DVL1: variants seen among roughly 807,000 people sequenced by gnomAD.
DVL1 encodes dishevelled segment polarity protein 1, also known as segment polarity protein dishevelled homolog DVL-1.
In DVL1, 49 loss-of-function variants were observed where a neutral mutation model predicts 65.0. The ratio of observed to expected loss-of-function variants is 0.75; its 90% CI spans 0.60 to 0.96. DVL1 has a LOEUF of 0.96. DVL1 is among the 40% of genes least tolerant of loss of function. The pLI is 0.00. For missense variants in DVL1, 1,197 were observed against 1,045.4 expected (o/e 1.15, Z -2.00); for synonymous variants, 608 against 433.9 (o/e 1.40, Z -4.99).
At chr1:1,337,156 G>A (rs1050297940) in intron 14 of DVL1, 15 of 962,460 alleles carry the variant, frequency 1.6e-5, no homozygotes, top group Non-Finnish European at 1.5e-5. Context: ...CCGCGGGCTG[G>A]GCGGGGCTGA....
At chr1:1,347,275 G>C (rs1166922183) in intron 1 of DVL1, among the ~76,000 whole-genome samples, 2 of 152,122 alleles carry the variant, frequency 1.3e-5, no homozygotes. Context: ...GTACACTGAA[G>C]CTCCCCTGTC....
intron 5 of DVL1, among the ~76,000 whole-genome samples, chr1:1,341,019 C>T (rs1407683760): frequency 6.8e-6 from 1 of 147,618 alleles, no homozygotes; most frequent in Non-Finnish European, 1.5e-5. Context: ...CGCACCCCTG[C>T]ACAATGCACC....
At chr1:1,338,924 G>A (rs1416171578) in intron 11 of DVL1, among the ~76,000 whole-genome samples, 3 of 152,234 alleles carry the variant, frequency 2.0e-5, no homozygotes, top group Middle Eastern at 3.2e-3. Flanking sequence ...TGCAGACCAG[G>A]AAGTAATGAG....
intron 1 of DVL1, among the ~76,000 whole-genome samples, chr1:1,343,623 G>GC (rs2100756698): frequency 6.6e-6 from 1 of 152,308 alleles, no homozygotes; most frequent in South Asian, 2.1e-4. Context: ...GCCTGCCCAG[G>GC]GTCAGGCTCT....
At chr1:1,340,691 G>C (rs187315902) in intron 5 of DVL1, among the ~76,000 whole-genome samples, 188 bp from the exon 6 acceptor site, 101 of 150,624 alleles carry the variant, frequency 6.7e-4, no homozygotes, top group African/African-American at 2.0e-3. Context: ...GAAAATCCCA[G>C]AGACAGGCAA....
chr1:1,339,020 G>A (rs566645563), intron 11 of DVL1, among the ~76,000 whole-genome samples: 18 of 152,332 alleles, frequency 1.2e-4, no homozygotes, highest in African/African-American at 4.1e-4. Context: ...GCAGAATGGA[G>A]ACCTGGCCCC....
intron 14 of DVL1, chr1:1,336,901 C>T: frequency 1.3e-6 from 1 of 786,256 alleles, no homozygotes; most frequent in Non-Finnish European, 1.6e-6. Flanking sequence ...GGCCCAGGAC[C>T]CTGGCCGACG....
intron 14 of DVL1, chr1:1,336,915 G>T: frequency 2.4e-6 from 2 of 847,836 alleles, no homozygotes; most frequent in Non-Finnish European, 2.9e-6. Context: ...GCCGACGGAT[G>T]ACTCAGCTCA....
At chr1:1,338,229 T>TTGGCCCC in intron 13 of DVL1, 40 bp downstream of exon 13, 49 of 1,522,218 alleles carry the variant, frequency 3.2e-5, no homozygotes, top group Middle Eastern at 2.0e-4. Flanking sequence ...CCTCCGGCGT[T>TTGGCCCC]CCCCTCCCCC....
chr1:1,341,105 A>ACG (rs1643802888), intron 5 of DVL1, among the ~76,000 whole-genome samples: 1 of 141,728 alleles, frequency 7.1e-6, no homozygotes, highest in Non-Finnish European at 1.5e-5. Context: ...ACCTGCACAC[A>ACG]CCTGCACACG....
rs373968054 is a variant in DVL1, at chr1:1,342,796, G to C, written c.171-38C>G. The C allele has an allele frequency of 1.9e-6, 3 of 1,606,406 alleles. No homozygotes were observed. The Admixed American group carries it at 5.0e-5, about 27-fold the overall frequency. On this transcript the variant is annotated intron_variant, in intron 1 of 14. Coordinates refer to ENST00000378888, the MANE Select transcript of DVL1 (RefSeq NM_001330311.2). ...GCTGCCGTGAGGCCCCACCTGGGGG[G>C]CCCAACCCTGCGGTTCTAGAGGTGA...
At chr1:1,345,823 T>A (rs1450595036) in intron 1 of DVL1, among the ~76,000 whole-genome samples, 1 of 151,880 alleles carries the variant, frequency 6.6e-6, no homozygotes, top group Non-Finnish European at 1.5e-5. Context: ...TGCAGAGCCA[T>A]CCTGTGCCCT....
chr1:1,341,962 TG>T, intron 4 of DVL1, 90 bp downstream of exon 4: 1 of 1,459,562 alleles, frequency 6.9e-7, no homozygotes. Context: ...CGCCACTGGC[TG>T]GGGGACAGGA....
At position 1,338,397 on chromosome 1, in the gene DVL1, C is replaced by T. The variant is rs1433338801; in HGVS notation, c.1379G>A (p.Gly460Asp). The T allele has an allele frequency of 8.7e-6, 14 of 1,612,534 alleles. No homozygotes were observed. Among genetic ancestry groups the T allele is most frequent in the Admixed American group, 1.7e-5 (1 of 59,980 alleles). The change falls in exon 13 of 15, where the codon GGC becomes GAC. Residue 460 changes from glycine (G) to aspartate (D), a missense_variant. Gly to Asp is a moderately conservative substitution (Grantham distance 94). Coordinates refer to ENST00000378888, the MANE Select transcript of DVL1 (RefSeq NM_001330311.2). ...VVDWLYTHVE[G>D]FKERREARKY... is the part of the protein sequence containing the mutation. ...CCGGGCCTCCCGCCGCTCCTTGAAGCCCTCCACGTGTGTGTACAGCCAGTC... is the reference window on the plus strand; with the variant it reads ...CCGGGCCTCCCGCCGCTCCTTGAAGTCCTCCACGTGTGTGTACAGCCAGTC...
At position 1,335,313 on chromosome 1, in the gene DVL1, A is replaced by C. The variant is rs1166881089; in HGVS notation, c.*829T>G. ...TTAAACGCTTTTTAGTGTTTAAAATAAGCAGCATTTACACAGAAGCAGCTC... is the reference window on the plus strand; with the variant it reads ...TTAAACGCTTTTTAGTGTTTAAAATCAGCAGCATTTACACAGAAGCAGCTC... On this transcript the variant is annotated 3_prime_UTR_variant, in exon 15 of 15. Transcript: ENST00000378888. 2 of 152,260 alleles carry C rather than the reference A, an allele frequency of 1.3e-5. No individual in the cohort carries two copies. Among genetic ancestry groups the C allele is most frequent in the Non-Finnish European group, 2.9e-5 (2 of 68,060 alleles). The allele number at this position is 152,260 out of a possible 1,614,324, so 9.4% of individuals were successfully genotyped here.
Position 1,338,196 on chromosome 1 carries a change from G to A in DVL1, c.1508-13C>T, listed in dbSNP as rs772817718. 1.3e-5 allele frequency: 20 copies of A among 1,597,810 alleles called. No individual in the cohort carries two copies. The South Asian group carries it at 2.0e-4, about 16-fold the overall frequency. On this transcript the variant is annotated splice_polypyrimidine_tract_variant and intron_variant, in intron 13 of 14. Transcript: ENST00000378888. Reference sequence around the variant, plus strand: ...AGGGTGGCGAGATCTGGCGGGGGAGGGTAGGTGAGGGCCGCGGAGGGGCCT... The same window carrying A: ...AGGGTGGCGAGATCTGGCGGGGGAGAGTAGGTGAGGGCCGCGGAGGGGCCT...
chr1:1,339,257 C>T (rs1643698553), intron 11 of DVL1, 30 bp downstream of exon 11: 1 of 1,547,998 alleles, frequency 6.5e-7, no homozygotes, highest in Non-Finnish European at 8.7e-7. Context: ...GCCTCGGTTT[C>T]TGCTGGGGCC....
chr1:1,338,330 G>T lies in DVL1; in HGVS notation c.1446C>A (p.His482Gln). 4 of 1,612,568 alleles carry T rather than the reference G, an allele frequency of 2.5e-6. No individual in the cohort carries two copies. The highest frequency in any genetic ancestry group is 3.4e-6 in the Non-Finnish European group (4 of 1,179,846). Residue 482 changes from histidine to glutamine, a missense_variant, in exon 13 of 15, where the codon CAC becomes CAA. Coordinates refer to ENST00000378888, the MANE Select transcript of DVL1 (RefSeq NM_001330311.2). ...CGGAGAAGGTGATCTTGTTGACCGT[G>T]TGCCGCAGGAAGCCGTGCTTCAGCA... The part of the protein sequence containing the change: ...SSLLKHGFLR[H>Q]TVNKITFSEQ...
At chr1:1,340,726 G>C (rs999365855) in intron 5 of DVL1, among the ~76,000 whole-genome samples, 1 of 152,066 alleles carries the variant, frequency 6.6e-6, no homozygotes, top group Non-Finnish European at 1.5e-5. Flanking sequence ...CATGTAGCCA[G>C]ATCCACTACT....
Sources: allele counts gnomAD v4.1 joint callset (sites outside exome capture counted in the v4.1 genomes callset), GRCh38; gene constraint gnomAD v4.1.1; transcripts MANE v1.5; gene names NCBI Gene and HGNC (gene_info 2026-07-23, HGNC 2026-07-21).